Variants in MARCHF1 observed in about 807,000 individuals in gnomAD.
MARCHF1 encodes the protein membrane associated ring-CH-type finger 1, also known as E3 ubiquitin-protein ligase MARCHF1.
Under a neutral mutation model 54.2 loss-of-function variants are expected in MARCHF1, and 40 were observed. That is an observed-to-expected ratio of 0.74 (90% confidence interval 0.57 to 0.96). The LOEUF (loss-of-function observed/expected upper bound fraction) is 0.96, where lower values mean the gene tolerates loss of function less well. Ranked by LOEUF, MARCHF1 falls within the 40% of genes least tolerant of loss-of-function variation. MARCHF1 has a pLI of 0.00. For synonymous variants in MARCHF1, 236 were observed against 236.3 expected (o/e 1.00, Z 0.01); for missense variants, 586 against 656.5 (o/e 0.89, Z 1.17).
At chr4:164,270,028 C>A (rs962380701) in intron 1 of MARCHF1, among the ~76,000 whole-genome samples, 1 of 151,998 alleles carries the variant, frequency 6.6e-6, no homozygotes, top group African/African-American at 2.4e-5. Flanking sequence ...GTAAAACATC[C>A]CATGGTTTCT....
intron 3 of MARCHF1, among the ~76,000 whole-genome samples, chr4:163,986,382 A>C (rs1752870377): frequency 6.7e-6 from 1 of 148,876 alleles, no homozygotes; most frequent in Non-Finnish European, 1.5e-5. Context: ...CTCCTGCCTC[A>C]GCCTCCTGAG....
chr4:163,721,911 C>T (rs1745480251), intron 4 of MARCHF1, among the ~76,000 whole-genome samples: 1 of 151,930 alleles, frequency 6.6e-6, no homozygotes, highest in South Asian at 2.1e-4. Flanking sequence ...CTATTTGATG[C>T]TTCTCTCTTT....
rs566485700 is a variant in MARCHF1, at chr4:164,229,732, C to T, written c.-322-118070G>A. Among the ~76,000 whole-genome samples, 14 of 151,958 alleles carry T rather than the reference C, an allele frequency of 9.2e-5. No individual in the cohort carries two copies. The South Asian group carries it at 1.9e-3, about 20-fold the overall frequency. ...GGAAACATAAAATCATGGCAGAAGG[C>T]GAAGGGGGAGTACAGACTTCACATG... On this transcript the variant is annotated intron_variant, in intron 1 of 9. Transcript: ENST00000514618.
At chr4:163,805,123 T>C (rs1281841830) in intron 4 of MARCHF1, among the ~76,000 whole-genome samples, 1 of 152,148 alleles carries the variant, frequency 6.6e-6, no homozygotes, top group Non-Finnish European at 1.5e-5. Context: ...AGTCAAGTGT[T>C]TGGAAAACTA....
chr4:163,951,388 G>A (rs554217879), intron 3 of MARCHF1, among the ~76,000 whole-genome samples: 1 of 152,292 alleles, frequency 6.6e-6, no homozygotes, highest in South Asian at 2.1e-4. Context: ...AGTAGAGTTT[G>A]AAGAAAATAT....
chr4:163,623,272 A>C (rs143261072), intron 5 of MARCHF1, among the ~76,000 whole-genome samples: 1 of 152,226 alleles, frequency 6.6e-6, no homozygotes, highest in East Asian at 1.9e-4. Flanking sequence ...GGAGGTGAGG[A>C]TCCATTATAG....
At chr4:163,933,203 C>T in intron 3 of MARCHF1, 1 of 735,334 alleles carries the variant, frequency 1.4e-6, no homozygotes, top group Admixed American at 1.8e-5. Context: ...ACACTATGGA[C>T]CTCAGACAGT....
At chr4:163,796,328 G>T (rs1025911887) in intron 4 of MARCHF1, among the ~76,000 whole-genome samples, 1 of 146,646 alleles carries the variant, frequency 6.8e-6, no homozygotes. Flanking sequence ...CCAGGTTCAA[G>T]TGATTCTCCT....
chr4:164,238,015 T>C (rs1732615579), intron 1 of MARCHF1, among the ~76,000 whole-genome samples: 2 of 152,030 alleles, frequency 1.3e-5, no homozygotes, highest in Admixed American at 1.3e-4. Flanking sequence ...ACTTTAAAAT[T>C]AAAAACAATT....
At chr4:164,272,369 C>G (rs1381024295) in intron 1 of MARCHF1, among the ~76,000 whole-genome samples, 6 of 151,942 alleles carry the variant, frequency 3.9e-5, no homozygotes, top group African/African-American at 1.4e-4. Flanking sequence ...ACCCAATTTT[C>G]CAGCAAAAAA....
At chr4:163,802,742 C>T (rs1748116097) in intron 4 of MARCHF1, among the ~76,000 whole-genome samples, 1 of 152,268 alleles carries the variant, frequency 6.6e-6, no homozygotes, top group African/African-American at 2.4e-5. Context: ...CTACCAGGGA[C>T]TTATTGCATT....
At chr4:164,019,119 T>A (rs892076328) in intron 2 of MARCHF1, among the ~76,000 whole-genome samples, 1 of 152,182 alleles carries the variant, frequency 6.6e-6, no homozygotes, top group Non-Finnish European at 1.5e-5. Flanking sequence ...AGCAAAGGAA[T>A]GAAGAGTGCC....
chr4:163,791,249 G>A (rs933113011), intron 4 of MARCHF1, among the ~76,000 whole-genome samples: 7 of 152,020 alleles, frequency 4.6e-5, no homozygotes, highest in Non-Finnish European at 8.8e-5. Flanking sequence ...AGCCATCACT[G>A]TACTTTTACA....
At chr4:163,974,951 G>A (rs548542719) in intron 3 of MARCHF1, among the ~76,000 whole-genome samples, 2 of 152,082 alleles carry the variant, frequency 1.3e-5, no homozygotes, top group African/African-American at 2.4e-5. Context: ...AAAAATAAAA[G>A]GCTAAGCAAG....
intron 4 of MARCHF1, among the ~76,000 whole-genome samples, chr4:163,835,735 C>A (rs1368764385): frequency 1.3e-5 from 2 of 152,132 alleles, no homozygotes; most frequent in Non-Finnish European, 2.9e-5. Flanking sequence ...CAAATTTTTT[C>A]TTTTATCATG....
At chr4:164,070,851 G>C (rs1239307697) in intron 2 of MARCHF1, among the ~76,000 whole-genome samples, 2 of 152,196 alleles carry the variant, frequency 1.3e-5, no homozygotes, top group Non-Finnish European at 2.9e-5. Context: ...CAACTGAATT[G>C]TATCTCCAAG....
intron 2 of MARCHF1, among the ~76,000 whole-genome samples, chr4:164,063,752 T>C (rs1434270769): frequency 2.6e-5 from 4 of 152,232 alleles, no homozygotes; most frequent in Non-Finnish European, 5.9e-5. Flanking sequence ...GCATTCTATA[T>C]ACGAGTATAG....
intron 1 of MARCHF1, among the ~76,000 whole-genome samples, chr4:164,158,849 C>T (rs1045163717): frequency 6.6e-6 from 1 of 151,974 alleles, no homozygotes; most frequent in African/African-American, 2.4e-5. Flanking sequence ...TCTTCCTTTT[C>T]TTCAAGGCGC....
At chr4:163,545,388 AC>A (rs1345003594) in intron 9 of MARCHF1, among the ~76,000 whole-genome samples, 2 of 152,194 alleles carry the variant, frequency 1.3e-5, no homozygotes, top group African/African-American at 4.8e-5. Flanking sequence ...GATGAATTTC[AC>A]ATCTCAGCTT....
Sources: gnomAD v4.1 joint callset for allele counts (sites outside exome capture counted in the v4.1 genomes callset) on GRCh38, gnomAD v4.1.1 for gene constraint, MANE v1.5 for transcripts, NCBI Gene and HGNC (gene_info 2026-07-23, HGNC 2026-07-21) for gene names.